Variants in PALM2AKAP2 observed in about 807,000 individuals in gnomAD.
PALM2AKAP2 encodes the protein PALM2-AKAP2 fusion protein.
In PALM2AKAP2, 37 loss-of-function variants were observed where a neutral mutation model predicts 71.5. That is an observed-to-expected ratio of 0.52 (90% CI 0.40 to 0.68). The LOEUF is 0.68. PALM2AKAP2 is among the 30% of genes least tolerant of loss of function. The pLI is 0.00. For missense variants in PALM2AKAP2, 1,224 were observed against 1,191.8 expected (o/e 1.03, Z -0.40); for synonymous variants, 468 against 478.8 (o/e 0.98, Z 0.29).
At chr9:109,698,465 G>T (rs1227682831) in intron 1 of PALM2AKAP2, among the ~76,000 whole-genome samples, 1 of 152,100 alleles carries the variant, frequency 6.6e-6, no homozygotes, top group South Asian at 2.1e-4. Context: ...TTTTAGTAGA[G>T]ACAGAGTTTC....
At position 110,111,086 on chromosome 9, in the gene PALM2AKAP2, C is replaced by CTTTTTTTTTTTTTTTTTTTTTTT. The variant is rs34958946; in HGVS notation, c.157-25040_157-25018dup. Among the ~76,000 whole-genome samples, 125 of 84,184 alleles carry CTTTTTTTTTTTTTTTTTTTTTTT rather than the reference C, an allele frequency of 1.5e-3. 1 individual carries two copies. The highest frequency in any genetic ancestry group is 1.9e-3 in the Non-Finnish European group (92 of 47,496). 55.2% of individuals were successfully genotyped at this position (84,184 alleles called of 152,430 possible). A position where few individuals can be genotyped will look rare whatever the true frequency, so the allele number is the denominator to read the frequency against. On this transcript the variant is annotated intron_variant, in intron 1 of 3. Coordinates refer to ENST00000374525, the Ensembl canonical transcript of PALM2AKAP2. ...TCCTTTTTTCTTTTCTTTCTTTCTT[C>CTTTTTTTTTTTTTTTTTTTTTTT]TTTTTTTTTTTTTTTTTTTTTTTGA...
chr9:110,117,683 G>T (rs1336367247), intron 1 of PALM2AKAP2, among the ~76,000 whole-genome samples: 2 of 152,148 alleles, frequency 1.3e-5, no homozygotes, highest in Non-Finnish European at 2.9e-5. Context: ...AGACAAGAGA[G>T]AGCCAGTCTT....
At chr9:109,921,973 G>A (rs1049904257) in intron 3 of PALM2AKAP2, among the ~76,000 whole-genome samples, 1 of 152,118 alleles carries the variant, frequency 6.6e-6, no homozygotes, top group Non-Finnish European at 1.5e-5. Flanking sequence ...TGACACCCAG[G>A]AAGGAAACAG....
intron 1 of PALM2AKAP2, among the ~76,000 whole-genome samples, chr9:109,724,602 C>T (rs1010181414): frequency 6.6e-6 from 1 of 152,150 alleles, no homozygotes; most frequent in Non-Finnish European, 1.5e-5. Context: ...GGTGATAGCT[C>T]ACATTTATTG....
chr9:109,766,005 T>C (rs752263008), intron 1 of PALM2AKAP2, among the ~76,000 whole-genome samples: 8 of 152,206 alleles, frequency 5.3e-5, no homozygotes, highest in Non-Finnish European at 5.9e-5. Context: ...CCTTCTGGAA[T>C]TCCCCCAGCT....
At chr9:109,809,256 T>G (rs1827664465) in intron 1 of PALM2AKAP2, among the ~76,000 whole-genome samples, 1 of 152,164 alleles carries the variant, frequency 6.6e-6, no homozygotes, top group South Asian at 2.1e-4. Context: ...TGCTAGTCCA[T>G]GAAAGCAACT....
At chr9:109,798,744 C>A (rs1375522675) in intron 1 of PALM2AKAP2, among the ~76,000 whole-genome samples, 1 of 152,210 alleles carries the variant, frequency 6.6e-6, no homozygotes, top group African/African-American at 2.4e-5. Context: ...CTCATATGTT[C>A]ACAGTTATTT....
chr9:109,645,940 GAAGAA>G (rs1827146626), intron 1 of PALM2AKAP2, among the ~76,000 whole-genome samples: 1 of 151,948 alleles, frequency 6.6e-6, no homozygotes, highest in East Asian at 1.9e-4. Context: ...TCTTGGAAAA[GAAGAA>G]AAGTCTAATT....
intron 7 of PALM2AKAP2, among the ~76,000 whole-genome samples, chr9:110,029,389 G>A (rs138890269): frequency 1.3e-3 from 201 of 152,128 alleles, no homozygotes; most frequent in African/African-American, 4.5e-3. Context: ...ACTCCTACTT[G>A]GTAAAATCCC....
rs114166004 is a variant in PALM2AKAP2 at position 109,999,067 on chromosome 9, G to A, written c.497-16887G>A. On this transcript the variant is annotated intron_variant, in intron 6 of 9. Coordinates refer to the PALM2AKAP2 transcript ENST00000302798. ...AAGTGCTCAGGGTCTGGCTGGGCAC[G>A]GTGGCTCACGCCTGTAATCTCAGCA... is the stretch of plus-strand genomic sequence containing the variant. 9.4e-3 allele frequency among the ~76,000 whole-genome samples: 1,431 copies of A among 152,072 alleles called. 23 individuals carry two copies. The highest frequency in any genetic ancestry group is 0.033 in the African/African-American group (1,381 of 41,490).
At chr9:109,758,766 A>C (rs1486627959) in intron 1 of PALM2AKAP2, among the ~76,000 whole-genome samples, 1 of 152,094 alleles carries the variant, frequency 6.6e-6, no homozygotes, top group Non-Finnish European at 1.5e-5. Flanking sequence ...AGATTTAGAA[A>C]GATAAAGTAA....
chr9:109,656,740 T>C (rs1827313405), intron 1 of PALM2AKAP2, among the ~76,000 whole-genome samples: 1 of 152,210 alleles, frequency 6.6e-6, no homozygotes, highest in Non-Finnish European at 1.5e-5. Flanking sequence ...AGGGTGTGAT[T>C]GATGGCTGTG....
At chr9:109,681,122 T>A (rs1356248321) in intron 1 of PALM2AKAP2, among the ~76,000 whole-genome samples, 1 of 152,246 alleles carries the variant, frequency 6.6e-6, no homozygotes, top group Non-Finnish European at 1.5e-5. Flanking sequence ...TTTCTCTCAA[T>A]AAATATCTTT....
intron 1 of PALM2AKAP2, among the ~76,000 whole-genome samples, chr9:109,665,418 T>A (rs551616036): frequency 2.3e-4 from 35 of 152,346 alleles, no homozygotes; most frequent in African/African-American, 7.5e-4. Context: ...TTTCTGTTTG[T>A]TAGTTTTCCT....
chr9:110,156,176 T>C lies in PALM2AKAP2; in HGVS notation c.2570-143T>C, dbSNP rs1295903939. 4 of 1,211,322 alleles carry C rather than the reference T, an allele frequency of 3.3e-6. No individual in the cohort carries two copies. The African/African-American group carries it at 4.6e-5, about 14-fold the overall frequency. 75.0% of individuals were successfully genotyped at this position (1,211,322 alleles called of 1,614,324 possible). A position where few individuals can be genotyped will look rare whatever the true frequency, so the allele number is the denominator to read the frequency against. ...CTTAAGTGCTTTGATCCCTGTAATA[T>C]AATAAAATGGCCTACACTTAACCAT... is the stretch of plus-strand genomic sequence containing the variant. On this transcript the variant is annotated intron_variant, in intron 2 of 3. Transcript: ENST00000374525.
At chr9:109,812,767 A>G (rs1401187226) in intron 1 of PALM2AKAP2, among the ~76,000 whole-genome samples, 4 of 152,186 alleles carry the variant, frequency 2.6e-5, no homozygotes, top group Non-Finnish European at 5.9e-5. Context: ...ATAAGGTGGC[A>G]TGAGACTGTA....
At chr9:109,765,880 A>G (rs1829143054) in intron 1 of PALM2AKAP2, among the ~76,000 whole-genome samples, 5 of 152,168 alleles carry the variant, frequency 3.3e-5, no homozygotes, top group Admixed American at 3.3e-4. Context: ...TGAGCCTGAG[A>G]TGCAATGCAC....
At position 109,879,733 on chromosome 9, in the gene PALM2AKAP2, A is replaced by C. The variant is rs147937734; in HGVS notation, c.127-818A>C. ...TTTTTTTTTGACAGGGTCTCGTTCT[A>C]TCACCCAGGCTGGAGTGCAGTGGCA... On this transcript the variant is annotated intron_variant, in intron 2 of 9. Coordinates refer to the PALM2AKAP2 transcript ENST00000302798. Among the ~76,000 whole-genome samples the C allele has an allele frequency of 2.2e-5, 3 of 138,062 alleles. No homozygotes were observed. In the South Asian group the frequency reaches 6.7e-4, roughly 31 times the overall value. The allele number at this position is 138,062 out of a possible 152,430, so 90.6% of individuals were successfully genotyped here.
At chr9:110,136,176 A>G in exon 2 of PALM2AKAP2, 1 of 1,607,386 alleles carries the variant, frequency 6.2e-7, no homozygotes, top group East Asian at 2.2e-5. Flanking sequence ...AGCGAGGGAG[A>G]CAACTATAGT....
Sources: gnomAD v4.1 joint callset for allele counts (sites outside exome capture counted in the v4.1 genomes callset) on GRCh38, gnomAD v4.1.1 for gene constraint, MANE v1.5 for transcripts, NCBI Gene and HGNC (gene_info 2026-07-23, HGNC 2026-07-21) for gene names.